The following OSBP2 variants were observed in gnomAD, a reference collection of about 807,000 sequenced individuals.
OSBP2 encodes the protein oxysterol-binding protein 2.
Under a neutral mutation model 96.0 loss-of-function variants are expected in OSBP2, and 66 were observed. The observed-to-expected ratio is 0.69, with a 90% confidence interval of 0.56 to 0.84. The LOEUF is 0.84. Among genes scored for constraint, OSBP2 ranks in the 40% least tolerant of loss-of-function variants. The pLI is 0.00. For synonymous variants in OSBP2, 525 were observed against 520.9 expected, an observed-to-expected ratio of 1.01 and a Z score of -0.11; for missense variants, 1,038 against 1,222.7, an observed-to-expected ratio of 0.85 and a Z score of 2.25.
chr22:30,783,706 A>C (rs1335560366), intron 2 of OSBP2, among the ~76,000 whole-genome samples: 1 of 152,202 alleles, frequency 6.6e-6, no homozygotes, highest in Non-Finnish European at 1.5e-5. Context: ...GTCATGTAAA[A>C]GCTTTGCCGT....
rs759150077 is a variant in OSBP2, at chr22:30,893,963, C to T, written c.2337C>T (p.Thr779=). ...GGAAGCAGAAGACAGTGTACCAGAC[C>T]CTGTCAGCCAAGCTGCTGTGGAAGA... ...SDGKQKTVYQ[T]LSAKLLWKKY... is the part of the protein sequence containing the mutation. The change falls in exon 12 of 14, where the codon ACC becomes ACT. Residue 779 remains threonine, a synonymous_variant. Transcript: ENST00000332585. The T allele has an allele frequency of 7.5e-6, 12 of 1,599,910 alleles. No homozygotes were observed. The East Asian group carries it at 2.7e-4, about 36-fold the overall frequency.
chr22:30,876,539 T>C (rs1305701048), intron 3 of OSBP2, among the ~76,000 whole-genome samples: 1 of 152,192 alleles, frequency 6.6e-6, no homozygotes, highest in African/African-American at 2.4e-5. Flanking sequence ...TTCCTGAGCA[T>C]CTCTGGTGGG....
In OSBP2 at chr22:30,708,478, ATTTTTTTTTTTT is replaced by A. The variant is rs56361178; in HGVS notation, c.644+12942_644+12953del. ...CAGTATATATCTCTAAAGGATAAGG[ATTTTTTTTTTTT>A]TTTTTTTTTTTTTTTTGAGACAGAG... On this transcript the variant is annotated intron_variant, in intron 1 of 13. Transcript: ENST00000332585. Among the ~76,000 whole-genome samples the A allele has an allele frequency of 1.9e-4, 12 of 63,458 alleles. 1 individual carries two copies. The highest frequency in any genetic ancestry group is 5.5e-4 in the East Asian group (1 of 1,830). 41.6% of individuals were successfully genotyped at this position (63,458 alleles called of 152,430 possible). A position where few individuals can be genotyped will look rare whatever the true frequency, so the allele number is the denominator to read the frequency against.
intron 2 of OSBP2, among the ~76,000 whole-genome samples, chr22:30,747,431 T>C (rs1268145006): frequency 6.6e-6 from 1 of 152,154 alleles, no homozygotes; most frequent in Non-Finnish European, 1.5e-5. Context: ...CACTGAACCA[T>C]GTTCATGCCA....
At chr22:30,757,996 A>G (rs1291425200) in intron 2 of OSBP2, among the ~76,000 whole-genome samples, 1 of 152,130 alleles carries the variant, frequency 6.6e-6, no homozygotes, top group African/African-American at 2.4e-5. Flanking sequence ...ACCCAGTTTC[A>G]CTATCTGACC....
chr22:30,862,274 A>G (rs1001768333), intron 2 of OSBP2, among the ~76,000 whole-genome samples: 1 of 152,206 alleles, frequency 6.6e-6, no homozygotes, highest in Non-Finnish European at 1.5e-5. Context: ...GGGCAGCAGC[A>G]GGGCAGGCTG....
chr22:30,872,193 C>A, intron 3 of OSBP2: 1 of 455,280 alleles, frequency 2.2e-6, no homozygotes, highest in Admixed American at 2.3e-5. Context: ...CCCTCTCAGG[C>A]CCACTGTCCT....
At chr22:30,864,273 A>G (rs1448161828) in intron 2 of OSBP2, among the ~76,000 whole-genome samples, 1 of 152,108 alleles carries the variant, frequency 6.6e-6, no homozygotes, top group Non-Finnish European at 1.5e-5. Context: ...ATATTTGGAT[A>G]CCTCAAATGT....
intron 2 of OSBP2, among the ~76,000 whole-genome samples, chr22:30,747,805 C>A (rs928920854): frequency 2.0e-5 from 3 of 152,226 alleles, no homozygotes; most frequent in Non-Finnish European, 4.4e-5. Context: ...GTACTTTAAG[C>A]TGTTCCTCTC....
At chr22:30,753,218 A>G (rs1294211339) in intron 2 of OSBP2, among the ~76,000 whole-genome samples, 1 of 152,060 alleles carries the variant, frequency 6.6e-6, no homozygotes, top group Non-Finnish European at 1.5e-5. Flanking sequence ...AGTGTAAGGT[A>G]GGAGGCCCTC....
chr22:30,836,850 T>G (rs767118252), intron 2 of OSBP2, among the ~76,000 whole-genome samples: 3 of 152,184 alleles, frequency 2.0e-5, no homozygotes, highest in Non-Finnish European at 2.9e-5. Flanking sequence ...ACTTAGTGGC[T>G]TTTAGGGACT....
chr22:30,880,561 C>G (rs922970483), intron 3 of OSBP2, among the ~76,000 whole-genome samples: 2 of 152,210 alleles, frequency 1.3e-5, no homozygotes, highest in African/African-American at 4.8e-5. Context: ...TCCCTCACAT[C>G]CCTGTCTAGA....
At chr22:30,694,462 C>T (rs1199181787), upstream of OSBP2, 19 of 1,306,106 alleles carry the variant, frequency 1.5e-5, 1 homozygote, top group Middle Eastern at 2.7e-4. Flanking sequence ...TCCTGGGTGG[C>T]GGAGAGCGAA....
intron 1 of OSBP2, among the ~76,000 whole-genome samples, chr22:30,730,118 A>G (rs2089724267): frequency 6.6e-6 from 1 of 151,972 alleles, no homozygotes; most frequent in Non-Finnish European, 1.5e-5. Context: ...GCATGCCACC[A>G]TGCCTGACTA....
intron 1 of OSBP2, among the ~76,000 whole-genome samples, chr22:30,701,030 G>C (rs2089152062): frequency 1.3e-5 from 2 of 151,976 alleles, no homozygotes; most frequent in South Asian, 4.2e-4. Flanking sequence ...GGGAGGCAGA[G>C]GTTGCAGTGA....
rs752943370 is a variant in OSBP2, at chr22:30,888,245, A to G, written c.1323A>G (p.Gly441=). 2 of 1,612,184 alleles carry G rather than the reference A, an allele frequency of 1.2e-6. No individual in the cohort carries two copies. Among genetic ancestry groups the G allele is most frequent in the South Asian group, 1.1e-5 (1 of 91,038 alleles). The change falls in exon 5 of 14, where the codon GGA becomes GGG. Residue 441 remains glycine, a synonymous_variant. Transcript: ENST00000332585. ...FIEGSLLTPK[G]EDSEEDEDTE... is the part of the protein sequence containing the mutation. The stretch of plus-strand genomic sequence containing the variant: ...TAGGAAGCCTCTTGACTCCCAAAGG[A>G]GAGGACAGTGAGGAAGATGAAGATA...
intron 2 of OSBP2, among the ~76,000 whole-genome samples, chr22:30,751,353 A>AT (rs2090071315): frequency 6.6e-6 from 1 of 151,250 alleles, no homozygotes. Flanking sequence ...GTATATATAT[A>AT]TATTTTTTTC....
intron 1 of OSBP2, among the ~76,000 whole-genome samples, chr22:30,712,087 C>T (rs1324407937): frequency 6.6e-6 from 1 of 152,160 alleles, no homozygotes; most frequent in African/African-American, 2.4e-5. Context: ...CAAGTGGGTC[C>T]ATGGGGGAGC....
chr22:30,802,823 G>A (rs2090870396), intron 2 of OSBP2, among the ~76,000 whole-genome samples: 1 of 152,242 alleles, frequency 6.6e-6, no homozygotes, highest in Non-Finnish European at 1.5e-5. Flanking sequence ...GAGGAATGAG[G>A]ACGCAGCACG....
Sources: gnomAD v4.1 joint callset for allele counts (sites outside exome capture counted in the v4.1 genomes callset) on GRCh38, gnomAD v4.1.1 for gene constraint, MANE v1.5 for transcripts, NCBI Gene and HGNC (gene_info 2026-07-23, HGNC 2026-07-21) for gene names.